CIT: variants seen among roughly 807,000 people sequenced by gnomAD.
The protein encoded by CIT is citron rho-interacting serine/threonine kinase.
A neutral mutation model predicts 272.7 loss-of-function variants in CIT; 79 were observed. That is an observed-to-expected ratio of 0.29 (90% CI 0.24 to 0.35). The LOEUF is 0.35. Among genes scored for constraint, CIT ranks in the 10% least tolerant of loss-of-function variants. CIT has a pLI of 1.00. For synonymous variants in CIT, 948 were observed against 995.6 expected, an observed-to-expected ratio of 0.95 and a Z score of 0.90; for missense variants, 1,909 against 2,618.3, an observed-to-expected ratio of 0.73 and a Z score of 5.91.
intron 3 of CIT, among the ~76,000 whole-genome samples, chr12:119,866,826 A>C (rs1339504666): frequency 6.6e-6 from 1 of 152,200 alleles, no homozygotes; most frequent in Non-Finnish European, 1.5e-5. Context: ...AAAATAAATA[A>C]AATGAAATAA....
At chr12:119,738,586 T>TTA (rs571833138) in intron 24 of CIT, among the ~76,000 whole-genome samples, 64 of 151,078 alleles carry the variant, frequency 4.2e-4, no homozygotes, top group Non-Finnish European at 1.2e-4. Flanking sequence ...CAGAAGATAT[T>TTA]AAAAAAAAAG....
intron 10 of CIT, among the ~76,000 whole-genome samples, chr12:119,797,621 T>C (rs529642067): frequency 7.9e-5 from 12 of 152,356 alleles, no homozygotes; most frequent in Non-Finnish European, 1.3e-4. Context: ...GACTCTGTTA[T>C]TGCTGCTATT....
chr12:119,818,938 G>A (rs926304771), intron 9 of CIT, among the ~76,000 whole-genome samples: 23 of 152,188 alleles, frequency 1.5e-4, no homozygotes, highest in African/African-American at 5.6e-4. Flanking sequence ...TCCCATGGAT[G>A]GGAGCAGGTA....
chr12:119,691,171 C>CAAAAAAAAAAAAAAAAAAAAAAAAAAA (rs35222584), intron 46 of CIT, among the ~76,000 whole-genome samples: 1 of 70,256 alleles, frequency 1.4e-5, no homozygotes, highest in Non-Finnish European at 2.7e-5. Flanking sequence ...GACTCCGTCT[C>CAAAAAAAAAAAAAAAAAAAAAAAAAAA]AAAAAAAAAA....
intron 8 of CIT, 90 bp from the exon 9 acceptor site, chr12:119,823,063 A>G (rs1388960943): frequency 7.3e-7 from 1 of 1,364,900 alleles, no homozygotes; most frequent in Admixed American, 2.5e-5. Flanking sequence ...CATATATGCA[A>G]GTTTCTTTTT....
chr12:119,730,443 A>G, intron 27 of CIT, 52 bp downstream of exon 27: 9 of 1,538,488 alleles, frequency 5.8e-6, no homozygotes, highest in Non-Finnish European at 7.0e-6. Context: ...CGTGCCTTTA[A>G]AAGAAGGAAA....
chr12:119,793,079 C>G (rs940112170), intron 10 of CIT, among the ~76,000 whole-genome samples: 13 of 152,266 alleles, frequency 8.5e-5, no homozygotes, highest in African/African-American at 2.6e-4. Flanking sequence ...GGCACCCCCC[C>G]TCCCCCACCA....
intron 3 of CIT, among the ~76,000 whole-genome samples, chr12:119,868,055 C>T (rs1186828536): frequency 1.3e-5 from 2 of 152,026 alleles, no homozygotes; most frequent in Non-Finnish European, 2.9e-5. Context: ...ATAGTAAGAC[C>T]CTATCTCTAC....
chr12:119,779,542 G>C (rs1330594499), intron 13 of CIT, among the ~76,000 whole-genome samples: 1 of 152,146 alleles, frequency 6.6e-6, no homozygotes, highest in African/African-American at 2.4e-5. Flanking sequence ...GTGCCTGCTA[G>C]AGCTAATGGG....
chr12:119,748,922 C>T (rs1959825991), intron 23 of CIT, among the ~76,000 whole-genome samples: 1 of 152,250 alleles, frequency 6.6e-6, no homozygotes, highest in South Asian at 2.1e-4. Context: ...ATAAGGTGTG[C>T]AGACTCAAAT....
chr12:119,801,973 C>T (rs1335761756), intron 10 of CIT, among the ~76,000 whole-genome samples: 2 of 152,204 alleles, frequency 1.3e-5, no homozygotes, highest in Non-Finnish European at 2.9e-5. Flanking sequence ...AGCCCACAAC[C>T]TTATTTCGTA....
chr12:119,831,646 G>T (rs907202001), intron 7 of CIT, among the ~76,000 whole-genome samples: 1 of 152,212 alleles, frequency 6.6e-6, no homozygotes, highest in South Asian at 2.1e-4. Flanking sequence ...GAAGCGAGTG[G>T]ATCACGAGGT....
At chr12:119,733,471 T>C (rs531814268) in intron 26 of CIT, among the ~76,000 whole-genome samples, 2 of 150,514 alleles carry the variant, frequency 1.3e-5, no homozygotes, top group Admixed American at 1.3e-4. Context: ...GAGGTGGAGG[T>C]TGCAGTGAAC....
intron 19 of CIT, among the ~76,000 whole-genome samples, chr12:119,764,160 G>A (rs372134440): frequency 3.3e-5 from 5 of 152,128 alleles, no homozygotes; most frequent in Admixed American, 2.0e-4. Flanking sequence ...TTCATCCAAG[G>A]CCTCAAAGAA....
intron 20 of CIT, among the ~76,000 whole-genome samples, chr12:119,760,325 G>T (rs1185287386): frequency 6.6e-6 from 1 of 151,886 alleles, no homozygotes; most frequent in Non-Finnish European, 1.5e-5. Context: ...GAGACAAACA[G>T]GCAAGTAAAA....
chr12:119,837,610 CA>C (rs1315120918), intron 5 of CIT, among the ~76,000 whole-genome samples: 1 of 152,188 alleles, frequency 6.6e-6, no homozygotes, highest in Non-Finnish European at 1.5e-5. Flanking sequence ...TGGTTTTGTC[CA>C]AAAATGTAAC....
intron 18 of CIT, 62 bp from the exon 19 acceptor site, chr12:119,767,244 G>T: frequency 8.0e-7 from 1 of 1,254,402 alleles, no homozygotes; most frequent in Non-Finnish European, 1.1e-6. Context: ...ATGCACGTTA[G>T]ACATTCACAG....
intron 40 of CIT, among the ~76,000 whole-genome samples, chr12:119,707,537 CT>C (rs1956945363): frequency 6.6e-6 from 1 of 151,858 alleles, no homozygotes; most frequent in Non-Finnish European, 1.5e-5. Context: ...TTTTTTTTCC[CT>C]GTCACCAGGC....
intron 5 of CIT, among the ~76,000 whole-genome samples, chr12:119,838,698 A>G (rs1019223382): frequency 1.6e-4 from 25 of 152,124 alleles, no homozygotes; most frequent in Non-Finnish European, 4.4e-5. Context: ...TGCTGCTTAT[A>G]TTTTTTTCAG....
Sources: allele counts gnomAD v4.1 joint callset (sites outside exome capture counted in the v4.1 genomes callset), GRCh38; gene constraint gnomAD v4.1.1; transcripts MANE v1.5; gene names NCBI Gene and HGNC (gene_info 2026-07-23, HGNC 2026-07-21).